The following PKMYT1 variants were observed in gnomAD, a reference collection of about 807,000 sequenced individuals.
PKMYT1 encodes the protein membrane-associated tyrosine- and threonine-specific cdc2-inhibitory kinase.
PKMYT1 carries 35 observed loss-of-function variants against 49.7 expected under a neutral mutation model. That is an observed-to-expected ratio of 0.70 (90% CI 0.54 to 0.93). The LOEUF is 0.93. PKMYT1 is among the 40% of genes least tolerant of loss of function. The pLI is 0.00. For missense variants in PKMYT1, 677 were observed against 673.1 expected (o/e 1.01, Z -0.06); for synonymous variants, 331 against 287.6 (o/e 1.15, Z -1.53).
At chr16:2,979,578 T>G in intron 2 of PKMYT1, 70 bp downstream of exon 2, 14 of 1,300,380 alleles carry the variant, frequency 1.1e-5, no homozygotes, top group Non-Finnish European at 1.6e-5. Context: ...GGCCCAACCC[T>G]GGCACACTCG....
chr16:2,980,125 T>C (rs1047537154), intron 1 of PKMYT1, 161 bp downstream of exon 1: 31 of 178,234 alleles, frequency 1.7e-4, no homozygotes, highest in Non-Finnish European at 3.0e-4. Flanking sequence ...GAACCAGGAA[T>C]TGGGGAGGAC....
In PKMYT1 at chr16:2,975,207, T is replaced by C. The variant is rs2072152572; in HGVS notation, c.872+112A>G. 4.6e-6 allele frequency: 6 copies of C among 1,294,440 alleles called. No homozygotes were observed. The South Asian group carries it at 9.3e-5, about 20-fold the overall frequency. 80.2% of individuals were successfully genotyped at this position (1,294,440 alleles called of 1,614,324 possible). A position where few individuals can be genotyped will look rare whatever the true frequency, so the allele number is the denominator to read the frequency against. On this transcript the variant is annotated intron_variant, in intron 4 of 8. Transcript: ENST00000262300. ...GGATGGCGTCTCAGCCTTGTGGCTC[T>C]GAGGCCGGGTGTCCTGGGCTAGGGT...
intron 6 of PKMYT1, 28 bp from the exon 7 acceptor site, chr16:2,974,185 G>A (rs778382674): frequency 6.3e-7 from 1 of 1,579,962 alleles, no homozygotes; most frequent in Non-Finnish European, 8.6e-7. Context: ...TCAGGATGTG[G>A]GTGGGCGGAC....
intron 2 of PKMYT1, among the ~76,000 whole-genome samples, chr16:2,978,893 G>A (rs376873346): frequency 4.2e-4 from 63 of 151,174 alleles, no homozygotes; most frequent in African/African-American, 1.4e-3. Context: ...TGCAGCCTCC[G>A]ACTCCCAGGT....
At chr16:2,975,835 GCA>G (rs1165111792) in intron 3 of PKMYT1, 23 bp from the exon 4 acceptor site, 8 of 1,569,640 alleles carry the variant, frequency 5.1e-6, no homozygotes, top group Non-Finnish European at 6.9e-6. Context: ...TGGTACCCAC[GCA>G]CACAGTGAGG....
At chr16:2,978,710 T>C (rs534396493) in intron 2 of PKMYT1, among the ~76,000 whole-genome samples, 101 of 148,466 alleles carry the variant, frequency 6.8e-4, no homozygotes, top group African/African-American at 2.5e-3. Context: ...ATCATGCCAC[T>C]GCACTCCAGC....
intron 2 of PKMYT1, among the ~76,000 whole-genome samples, chr16:2,978,103 TGCCCC>T (rs2072247911): frequency 6.6e-6 from 1 of 152,048 alleles, no homozygotes; most frequent in Non-Finnish European, 1.5e-5. Context: ...CTCAGAGAGG[TGCCCC>T]GCTGTCCTGC....
At chr16:2,977,483 C>T (rs1411514640) in intron 2 of PKMYT1, 6 of 994,920 alleles carry the variant, frequency 6.0e-6, no homozygotes, top group Non-Finnish European at 3.6e-6. Context: ...TCATAACTGT[C>T]GTGCCAAAAC....
In PKMYT1 at chr16:2,975,400, C is replaced by T; in HGVS notation, c.791G>A (p.Gly264Asp). Residue 264 changes from glycine (G) to aspartate (D), a missense_variant, in exon 4 of 9, where the codon GGT becomes GAT. Transcript: ENST00000262300. Reference protein sequence around the residue: ...LLVELGTAGAGEVQEGDPRYM... With the variant: ...LLVELGTAGADEVQEGDPRYM... ...GCGGGGGTCTCCCTCCTGGACCTCA[C>T]CAGCTCCTGCTGTACCCAGCTCCAC... is the stretch of plus-strand genomic sequence containing the variant. 2 of 1,613,228 alleles carry T rather than the reference C, an allele frequency of 1.2e-6. No individual in the cohort carries two copies. Among genetic ancestry groups the T allele is most frequent in the Non-Finnish European group, 1.7e-6 (2 of 1,179,980 alleles).
chr16:2,979,245 A>G (rs957717783), intron 2 of PKMYT1, among the ~76,000 whole-genome samples: 2 of 152,104 alleles, frequency 1.3e-5, no homozygotes, highest in African/African-American at 4.8e-5. Context: ...GAGGCAGGAG[A>G]AATGCTTGAA....
At position 2,972,827 on chromosome 16, in the gene PKMYT1, AAATACT is replaced by A; in HGVS notation, c.*120_*125del. 1 of 1,534,444 alleles carries A rather than the reference AAATACT, an allele frequency of 6.5e-7. No individual in the cohort carries two copies. Reference sequence around the variant, plus strand: ...GCAAGCTTGGGTGCTCCCAAGGTTCAAATACTTTTTATTAGACACGGCCAGGCAGAG... The same window carrying A: ...GCAAGCTTGGGTGCTCCCAAGGTTCATTTTATTAGACACGGCCAGGCAGAG... On this transcript the variant is annotated 3_prime_UTR_variant, in exon 9 of 9. Coordinates refer to ENST00000262300, the MANE Select transcript of PKMYT1 (RefSeq NM_004203.5).
chr16:2,977,387 A>T, intron 2 of PKMYT1: 1 of 990,444 alleles, frequency 1.0e-6, no homozygotes, highest in Non-Finnish European at 1.2e-6. Context: ...TAAACTACAC[A>T]ACCTCTTCCG....
chr16:2,975,305 G>A lies in PKMYT1; in HGVS notation c.872+14C>T, dbSNP rs778226735. 1 of 1,595,298 alleles carries A rather than the reference G, an allele frequency of 6.3e-7. No individual in the cohort carries two copies. The highest frequency in any genetic ancestry group is 1.3e-5 in the African/African-American group (1 of 74,664). ...CCACAGCCTGCCAAACACCTGGCGT[G>A]CCCCGGTCCCCACCTGAACACATCC... On this transcript the variant is annotated intron_variant, in intron 4 of 8. Coordinates refer to ENST00000262300, the MANE Select transcript of PKMYT1 (RefSeq NM_004203.5).
Position 2,975,430 on chromosome 16 carries a change from A to T in PKMYT1, c.761T>A (p.Leu254Gln). ...TCCTGCTGTACCCAGCTCCACCAGCAGTCCGAAGTCACCCAGCTTGCAGCG... is the reference window on the plus strand; with the variant it reads ...TCCTGCTGTACCCAGCTCCACCAGCTGTCCGAAGTCACCCAGCTTGCAGCG... Reference protein sequence around the residue: ...RGRCKLGDFGLLVELGTAGAG... With the variant: ...RGRCKLGDFGQLVELGTAGAG... The change falls in exon 4 of 9, where the codon CTG becomes CAG. Residue 254 changes from leucine (L) to glutamine (Q), a missense_variant. Physicochemically the swap from Leu to Gln is moderately radical, Grantham distance 113. Transcript: ENST00000262300. 1 of 1,613,256 alleles carries T rather than the reference A, an allele frequency of 6.2e-7. No homozygotes were observed. Among genetic ancestry groups the T allele is most frequent in the Non-Finnish European group, 8.5e-7 (1 of 1,179,976 alleles).
rs775542785 is a variant in PKMYT1 at position 2,979,640 on chromosome 16, C to A, written c.10+8G>T. 25 of 1,611,472 alleles carry A rather than the reference C, an allele frequency of 1.6e-5. No individual in the cohort carries two copies. Among genetic ancestry groups the A allele is most frequent in the Admixed American group, 1.2e-4 (7 of 60,002 alleles). ...CAGTTCTCCCACCGTCCCTGCCCTA[C>A]GACTTACGTTCTAGCATGACTGGCC... On this transcript the variant is annotated splice_region_variant and intron_variant, in intron 2 of 8. Transcript: ENST00000262300.
intron 2 of PKMYT1, among the ~76,000 whole-genome samples, chr16:2,978,356 C>T (rs1205148779): frequency 6.6e-6 from 1 of 152,144 alleles, no homozygotes; most frequent in African/African-American, 2.4e-5. Flanking sequence ...GCTAGTTTAC[C>T]ACAGAGAAGT....
chr16:2,973,956 C>T (rs772643027), intron 7 of PKMYT1, 44 bp downstream of exon 7: 9 of 1,590,784 alleles, frequency 5.7e-6, no homozygotes, highest in East Asian at 2.2e-5. Context: ...CGGTGATATC[C>T]CCCACCTTCC....
rs757883545 is a variant in PKMYT1 at position 2,974,310 on chromosome 16, G to A, written c.1087C>T (p.Arg363Trp). Residue 363 changes from arginine (R) to tryptophan (W), a missense_variant, in exon 6 of 9, where the codon CGG becomes TGG. Transcript: ENST00000262300. ...ATGCACCACAGCACACCCCAGGCCC[G>A]CGGCTGCCTCAACACAGGCAGTGCC... ...LLALPVLRQPRAWGVLWCMAA... is the reference protein window; with the variant it reads ...LLALPVLRQPWAWGVLWCMAA... 24 of 1,596,134 alleles carry A rather than the reference G, an allele frequency of 1.5e-5. No individual in the cohort carries two copies. Among genetic ancestry groups the A allele is most frequent in the African/African-American group, 4.0e-5 (3 of 74,588 alleles).
In PKMYT1 at chr16:2,973,351, T is replaced by A. The variant is rs895878336; in HGVS notation, c.1311-136A>T. The A allele has an allele frequency of 2.6e-6, 4 of 1,543,254 alleles. No individual in the cohort carries two copies. In the African/African-American group the frequency reaches 5.5e-5, roughly 21 times the overall value. On this transcript the variant is annotated intron_variant, in intron 7 of 8. Coordinates refer to ENST00000262300, the MANE Select transcript of PKMYT1 (RefSeq NM_004203.5). ...AGCCACAGTCAGGGACAATAAAAACTTGGTGCACTCTGAAAGCAGCACTTG... is the reference window on the plus strand; with the variant it reads ...AGCCACAGTCAGGGACAATAAAAACATGGTGCACTCTGAAAGCAGCACTTG...
Sources: gnomAD v4.1 joint callset for allele counts (sites outside exome capture counted in the v4.1 genomes callset) on GRCh38, gnomAD v4.1.1 for gene constraint, MANE v1.5 for transcripts, NCBI Gene and HGNC (gene_info 2026-07-23, HGNC 2026-07-21) for gene names.